SEZ6: variants seen among roughly 807,000 people sequenced by gnomAD.
The protein encoded by SEZ6 is seizure related 6 homolog.
A neutral mutation model predicts 101.0 loss-of-function variants in SEZ6; 53 were observed. That is an observed-to-expected ratio of 0.52 (90% CI 0.42 to 0.66). The LOEUF is 0.66. Among genes scored for constraint, SEZ6 ranks in the 30% least tolerant of loss-of-function variants. The pLI is 0.00. For synonymous variants in SEZ6, 488 were observed against 512.2 expected (o/e 0.95, Z 0.64); for missense variants, 1,102 against 1,289.4 (o/e 0.85, Z 2.23).
intron 2 of SEZ6, 27 bp downstream of exon 2, chr17:28,981,344 A>C (rs1598199965): frequency 1.3e-6 from 2 of 1,522,900 alleles, no homozygotes; most frequent in Non-Finnish European, 1.8e-6. Flanking sequence ...CCCCATTTCC[A>C]CATCTGCAAG....
intron 4 of SEZ6, among the ~76,000 whole-genome samples, chr17:28,968,905 C>T (rs974950526): frequency 6.6e-6 from 1 of 152,230 alleles, no homozygotes; most frequent in Non-Finnish European, 1.5e-5. Flanking sequence ...GTAGGAGGGA[C>T]ACAGCTGAGA....
chr17:28,996,722 C>T (rs1270455819), intron 1 of SEZ6, among the ~76,000 whole-genome samples: 4 of 152,130 alleles, frequency 2.6e-5, no homozygotes, highest in African/African-American at 7.2e-5. Context: ...CAGAAATGCA[C>T]GTAGACATGG....
chr17:28,966,768 G>A (rs1359523946), intron 4 of SEZ6, among the ~76,000 whole-genome samples: 1 of 152,148 alleles, frequency 6.6e-6, no homozygotes, highest in Non-Finnish European at 1.5e-5. Context: ...AAAAGAAAAA[G>A]AAAAAGAAAA....
intron 3 of SEZ6, among the ~76,000 whole-genome samples, chr17:28,974,736 AT>A (rs2041199481): frequency 6.6e-6 from 1 of 152,144 alleles, no homozygotes; most frequent in Non-Finnish European, 1.5e-5. Context: ...AACTGGGAGA[AT>A]TCCAAGTGGA....
chr17:28,978,305 T>C (rs1214608265), intron 3 of SEZ6, among the ~76,000 whole-genome samples: 2 of 152,222 alleles, frequency 1.3e-5, no homozygotes, highest in African/African-American at 4.8e-5. Flanking sequence ...CCTTCCTCCA[T>C]CCCTTTGTCC....
Position 28,957,449 on chromosome 17 carries a change from A to G in SEZ6, c.2393T>C (p.Ile798Thr), listed in dbSNP as rs199687475. 6.2e-7 allele frequency: 1 copy of G among 1,613,752 alleles called. No homozygotes were observed. The highest frequency in any genetic ancestry group is 2.2e-5 in the East Asian group (1 of 44,880). ...KFPVGATVQY[I>T]CDQGFVLMGS... is the part of the protein sequence containing the mutation. The stretch of plus-strand genomic sequence containing the variant: ...CATCAGCACAAAACCCTGGTCACAG[A>G]TATATTGCACGGTGGCCCCCACGGG... Residue 798 changes from isoleucine (I) to threonine (T), a missense_variant, in exon 12 of 17, where the codon ATC (isoleucine) becomes ACC (threonine). This residue lies in a region of SEZ6 where 556 missense variants were observed against 735.1 expected (regional missense o/e 0.76). Transcript: ENST00000317338.
intron 14 of SEZ6, 27 bp from the exon 15 acceptor site, chr17:28,956,494 G>A (rs1434898489): frequency 2.6e-6 from 4 of 1,539,690 alleles, no homozygotes; most frequent in Non-Finnish European, 3.5e-6. Flanking sequence ...TGTGACTGGA[G>A]CAGAGGTCTC....
At chr17:28,956,679 C>T (rs1238039917) in intron 14 of SEZ6, 40 bp downstream of exon 14, 3 of 1,553,988 alleles carry the variant, frequency 1.9e-6, no homozygotes, top group Non-Finnish European at 1.7e-6. Flanking sequence ...GAACCAGGAC[C>T]AGGGAGACCA....
At chr17:28,964,184 C>A (rs1567985757) in intron 4 of SEZ6, 37 bp from the exon 5 acceptor site, 7 of 1,509,558 alleles carry the variant, frequency 4.6e-6, no homozygotes, top group East Asian at 2.5e-5. Flanking sequence ...TGTATGTGTG[C>A]AGGGTGGGGG....
intron 3 of SEZ6, among the ~76,000 whole-genome samples, chr17:28,978,137 A>G (rs748595601): frequency 6.6e-6 from 1 of 152,234 alleles, no homozygotes; most frequent in Non-Finnish European, 1.5e-5. Flanking sequence ...AGGGACATGC[A>G]GGAATTGGAA....
At position 28,959,725 on chromosome 17, in the gene SEZ6, A is replaced by G; in HGVS notation, c.1744T>C (p.Trp582Arg). The G allele has an allele frequency of 6.2e-7, 1 of 1,604,626 alleles. No homozygotes were observed. Among genetic ancestry groups the G allele is most frequent in the Non-Finnish European group, 8.5e-7 (1 of 1,174,694 alleles). ...IECVDPHDPQ[W>R]NETEPACRAV... ...CGGCAGGCTGGCTCTGTCTCATTCC[A>G]CTGGGGGTCGTGGGGGTCAACACAC... Residue 582 changes from tryptophan to arginine, a missense_variant, in exon 8 of 17, where the codon TGG becomes CGG. By Grantham distance (101) the Trp-to-Arg change is moderately radical. Coordinates refer to ENST00000317338, the MANE Select transcript of SEZ6 (RefSeq NM_178860.5). This position sits in a 1 kb window ranked among gnomAD's most constrained non-coding sequence, Gnocchi z 4.4.
At chr17:28,980,750 T>A (rs1489259553) in intron 2 of SEZ6, among the ~76,000 whole-genome samples, 3 of 151,404 alleles carry the variant, frequency 2.0e-5, no homozygotes, top group African/African-American at 7.3e-5. Flanking sequence ...GTGATCCACC[T>A]GCCTCGGCCT....
chr17:29,006,197 C>T (rs1213902226), upstream of SEZ6: 3 of 212,368 alleles, frequency 1.4e-5, no homozygotes, highest in Non-Finnish European at 2.8e-5. Flanking sequence ...GGGCACACGG[C>T]CCCTGCCCTT....
chr17:28,997,211 C>T (rs2041554914), intron 1 of SEZ6, among the ~76,000 whole-genome samples: 1 of 152,084 alleles, frequency 6.6e-6, no homozygotes, highest in Non-Finnish European at 1.5e-5. Flanking sequence ...GCATGGATGA[C>T]CACTCTCGTG....
chr17:28,988,758 A>G lies in SEZ6; in HGVS notation c.56-6719T>C, dbSNP rs899614702. On this transcript the variant is annotated intron_variant, in intron 1 of 16. Transcript: ENST00000317338. ...CTCTTGGCCAGGCTCCAAGTGGGGC[A>G]GTGGCTGGTTCCCAGAACATGAGCC... Among the ~76,000 whole-genome samples the G allele has an allele frequency of 3.3e-5, 5 of 152,360 alleles. No individual in the cohort carries two copies. In the East Asian group the frequency reaches 9.6e-4, roughly 29 times the overall value.
At chr17:28,965,339 C>G (rs1016665324) in intron 4 of SEZ6, among the ~76,000 whole-genome samples, 2 of 151,304 alleles carry the variant, frequency 1.3e-5, no homozygotes, top group African/African-American at 4.9e-5. Flanking sequence ...GGGACGAGAG[C>G]GAGACTTCAT....
intron 1 of SEZ6, among the ~76,000 whole-genome samples, chr17:29,003,264 C>T (rs772882592): frequency 2.0e-5 from 3 of 152,240 alleles, no homozygotes; most frequent in Non-Finnish European, 4.4e-5. Flanking sequence ...GCCCAGGCAC[C>T]CCACACAGCT....
chr17:28,978,321 T>A (rs943026694), intron 3 of SEZ6, among the ~76,000 whole-genome samples: 1 of 152,220 alleles, frequency 6.6e-6, no homozygotes, highest in African/African-American at 2.4e-5. Flanking sequence ...TGTCCGATCA[T>A]TCAGTCAGCG....
At chr17:29,002,690 AAGGAAC>A (rs2041630947) in intron 1 of SEZ6, among the ~76,000 whole-genome samples, 2 of 152,306 alleles carry the variant, frequency 1.3e-5, no homozygotes, top group Non-Finnish European at 2.9e-5. Flanking sequence ...GGCTGGGGAC[AAGGAAC>A]AGGACCTAGT....
Sources: gnomAD v4.1 joint callset for allele counts (sites outside exome capture counted in the v4.1 genomes callset) on GRCh38, gnomAD v4.1.1 for gene constraint, gnomAD v4.1.1 regional missense constraint, Gnocchi (gnomAD v3.1) non-coding constraint, MANE v1.5 for transcripts, NCBI Gene and HGNC (gene_info 2026-07-23, HGNC 2026-07-21) for gene names.